Variants in CAMTA1 observed in about 807,000 individuals in gnomAD.
CAMTA1 encodes calmodulin binding transcription activator 1.
Under a neutral mutation model 170.9 loss-of-function variants are expected in CAMTA1, and 27 were observed. That is an observed-to-expected ratio of 0.16 (90% confidence interval 0.12 to 0.22). The LOEUF is 0.22. CAMTA1 is among the 10% of genes least tolerant of loss of function. CAMTA1 has a pLI of 1.00. For synonymous variants in CAMTA1, 833 were observed against 891.5 expected, an observed-to-expected ratio of 0.93 and a Z score of 1.17; for missense variants, 1,619 against 2,217.2, an observed-to-expected ratio of 0.73 and a Z score of 5.42.
At position 7,732,734 on chromosome 1, in the gene CAMTA1, T is replaced by A. The variant is rs1359999118; in HGVS notation, c.3066+135T>A. ...TCAGGCAGAAGGCCTGAGGGAGTACTTTACGGTACCTGTGCTTTTAAGCAT... is the reference window on the plus strand; with the variant it reads ...TCAGGCAGAAGGCCTGAGGGAGTACATTACGGTACCTGTGCTTTTAAGCAT... On this transcript the variant is annotated intron_variant, in intron 12 of 22. Coordinates refer to ENST00000303635, the MANE Select transcript of CAMTA1 (RefSeq NM_015215.4). The surrounding 1 kb of genome is among the most constrained non-coding windows in gnomAD (Gnocchi z 4.1). 8.0e-7 allele frequency: 1 copy of A among 1,247,418 alleles called. No individual in the cohort carries two copies. The highest frequency in any genetic ancestry group is 2.9e-5 in the Admixed American group (1 of 34,434). 77.3% of individuals were successfully genotyped at this position (1,247,418 alleles called of 1,614,324 possible).
At chr1:7,236,693 G>A (rs566188164) in intron 4 of CAMTA1, among the ~76,000 whole-genome samples, 3 of 152,274 alleles carry the variant, frequency 2.0e-5, no homozygotes, top group South Asian at 2.1e-4. Context: ...GGCCCTCCCC[G>A]GCACCTGGCA....
In CAMTA1 at chr1:7,216,603, T is replaced by G. The variant is rs1246274644; in HGVS notation, c.303-32888T>G. 6.6e-6 allele frequency among the ~76,000 whole-genome samples: 1 copy of G among 152,162 alleles called. No homozygotes were observed. Among genetic ancestry groups the G allele is most frequent in the Non-Finnish European group, 1.5e-5 (1 of 68,036 alleles). ...TCGGCTCACTGCAATCCCCGCTTCC[T>G]GGGTTCAAGCAATCCTTGTGCCTCA... On this transcript the variant is annotated intron_variant, in intron 4 of 22. Transcript: ENST00000303635. This position sits in a 1 kb window ranked among gnomAD's most constrained non-coding sequence, Gnocchi z 4.0.
At chr1:7,480,495 C>T (rs1460433651) in intron 6 of CAMTA1, among the ~76,000 whole-genome samples, 3 of 152,004 alleles carry the variant, frequency 2.0e-5, no homozygotes, top group African/African-American at 4.8e-5. Context: ...TTCCAGCTTT[C>T]CTTCTCCTCC....
chr1:7,306,161 C>T (rs1241366577), intron 5 of CAMTA1, among the ~76,000 whole-genome samples: 1 of 151,890 alleles, frequency 6.6e-6, no homozygotes, highest in East Asian at 1.9e-4. Context: ...TTTATGGATT[C>T]TGTTTTTGGT....
chr1:7,718,611 C>T (rs2096628781), intron 11 of CAMTA1, among the ~76,000 whole-genome samples: 1 of 144,882 alleles, frequency 6.9e-6, no homozygotes, highest in African/African-American at 2.6e-5. Context: ...GGCTGGAGTG[C>T]AGTGGTGCCA....
intron 4 of CAMTA1, among the ~76,000 whole-genome samples, chr1:7,153,578 A>G (rs933031321): frequency 1.3e-5 from 2 of 152,124 alleles, no homozygotes; most frequent in African/African-American, 4.8e-5. Context: ...GGGGACAAGC[A>G]GAGTATGCAA....
chr1:6,881,662 G>T (rs1433583325), intron 3 of CAMTA1, among the ~76,000 whole-genome samples: 2 of 152,120 alleles, frequency 1.3e-5, no homozygotes, highest in African/African-American at 4.8e-5. Flanking sequence ...GCAGGAAAAA[G>T]ACATGACAGA....
At chr1:7,262,172 C>T (rs1233739472) in intron 5 of CAMTA1, among the ~76,000 whole-genome samples, 1 of 152,142 alleles carries the variant, frequency 6.6e-6, no homozygotes, top group African/African-American at 2.4e-5. Flanking sequence ...TTCTTACACA[C>T]AGAATCTGCT....
chr1:7,219,082 G>A (rs896785724), intron 4 of CAMTA1, among the ~76,000 whole-genome samples: 5 of 152,186 alleles, frequency 3.3e-5, no homozygotes, highest in African/African-American at 2.4e-5. Context: ...AAAGAATCTT[G>A]AGGATATCTT....
At chr1:7,714,440 C>A (rs1461451831) in intron 11 of CAMTA1, among the ~76,000 whole-genome samples, 2 of 152,186 alleles carry the variant, frequency 1.3e-5, no homozygotes, top group Non-Finnish European at 2.9e-5. Flanking sequence ...CTTTGGTGTT[C>A]CTTAATACCA....
intron 3 of CAMTA1, among the ~76,000 whole-genome samples, chr1:6,910,171 C>T (rs1330007228): frequency 1.3e-5 from 2 of 152,224 alleles, no homozygotes; most frequent in African/African-American, 4.8e-5. Flanking sequence ...CGTTATAGGG[C>T]CCAGGTGGCT....
intron 6 of CAMTA1, among the ~76,000 whole-genome samples, chr1:7,569,639 T>A (rs2095100748): frequency 6.6e-6 from 1 of 151,450 alleles, no homozygotes; most frequent in Non-Finnish European, 1.5e-5. Context: ...ATCATCATGA[T>A]CACTATCACC....
intron 7 of CAMTA1, 49 bp from the exon 8 acceptor site, chr1:7,661,677 C>G: frequency 6.2e-7 from 1 of 1,607,412 alleles, no homozygotes; most frequent in Non-Finnish European, 8.5e-7. Flanking sequence ...CACCCAGGTC[C>G]CCTCTGCACC....
chr1:7,573,470 T>TA (rs2095149439), intron 6 of CAMTA1, among the ~76,000 whole-genome samples: 1 of 152,182 alleles, frequency 6.6e-6, no homozygotes, highest in Non-Finnish European at 1.5e-5. Flanking sequence ...CCTAATAAAT[T>TA]ACCACTGACC....
rs118092296 is a variant in CAMTA1, at chr1:6,967,610, C to T, written c.235-123694C>T. ...CTAGGGCAGCTTAGGCTGGTGGCCA[C>T]GTGTTCCTGCCTCACATCCGCTCCT... is the stretch of plus-strand genomic sequence containing the variant. On this transcript the variant is annotated intron_variant, in intron 3 of 22. Transcript: ENST00000303635. 3.9e-3 allele frequency among the ~76,000 whole-genome samples: 595 copies of T among 152,274 alleles called. 30 individuals are homozygous for T. In the East Asian group the frequency reaches 0.097, roughly 25 times the overall value.
chr1:7,118,388 G>T (rs1644459524), intron 4 of CAMTA1, among the ~76,000 whole-genome samples: 2 of 150,692 alleles, frequency 1.3e-5, no homozygotes. Flanking sequence ...GATCTCCTGG[G>T]CTCAAGTGAG....
chr1:7,363,006 A>T (rs1389895804), intron 5 of CAMTA1, among the ~76,000 whole-genome samples: 1 of 152,236 alleles, frequency 6.6e-6, no homozygotes, highest in Non-Finnish European at 1.5e-5. Flanking sequence ...AATTAGTGGA[A>T]CATAACCATT....
At chr1:6,809,246 T>A (rs1030783053) in intron 1 of CAMTA1, among the ~76,000 whole-genome samples, 2 of 152,000 alleles carry the variant, frequency 1.3e-5, no homozygotes, top group Admixed American at 1.3e-4. Context: ...AGGCTGGTCT[T>A]GAACTCCTGA....
chr1:7,120,061 G>T (rs1334881352), intron 4 of CAMTA1, among the ~76,000 whole-genome samples: 5 of 152,156 alleles, frequency 3.3e-5, no homozygotes, highest in Admixed American at 2.0e-4. Flanking sequence ...CCGAGGCTGA[G>T]TAACTGGCTC....
Sources: gnomAD v4.1 joint callset for allele counts (sites outside exome capture counted in the v4.1 genomes callset) on GRCh38, gnomAD v4.1.1 for gene constraint, Gnocchi (gnomAD v3.1) non-coding constraint, MANE v1.5 for transcripts, NCBI Gene and HGNC (gene_info 2026-07-23, HGNC 2026-07-21) for gene names.